Variants in HS2ST1 observed in about 807,000 individuals in gnomAD.
HS2ST1 encodes the protein heparan sulfate 2-O-sulfotransferase 1.
HS2ST1 carries 18 observed loss-of-function variants against 42.9 expected under a neutral mutation model. That is an observed-to-expected ratio of 0.42 (90% confidence interval 0.29 to 0.62). The LOEUF (loss-of-function observed/expected upper bound fraction) is 0.62. Among genes scored for constraint, HS2ST1 ranks in the 20% least tolerant of loss-of-function variants. HS2ST1 has a pLI of 0.21. For missense variants in HS2ST1, 334 were observed against 433.8 expected (o/e 0.77, Z 2.04); for synonymous variants, 146 against 152.9 (o/e 0.95, Z 0.33).
intron 3 of HS2ST1, among the ~76,000 whole-genome samples, chr1:87,088,898 T>C (rs1409732214): frequency 3.9e-5 from 6 of 152,006 alleles, no homozygotes; most frequent in African/African-American, 1.4e-4. Context: ...ACCTTGCCAC[T>C]AGGATTAGAA....
intron 1 of HS2ST1, among the ~76,000 whole-genome samples, chr1:86,975,883 T>C (rs1300327244): frequency 6.6e-6 from 1 of 152,214 alleles, no homozygotes; most frequent in East Asian, 1.9e-4. Context: ...TCACGACCTT[T>C]CTACTGGCTA....
At chr1:87,071,714 C>T (rs1280611964) in intron 1 of HS2ST1, among the ~76,000 whole-genome samples, 3 of 142,542 alleles carry the variant, frequency 2.1e-5, no homozygotes, top group Middle Eastern at 3.4e-3. Flanking sequence ...GGTGACAAAG[C>T]GAGACTCTGT....
intron 1 of HS2ST1, among the ~76,000 whole-genome samples, chr1:86,944,621 T>C (rs1647274323): frequency 6.6e-6 from 1 of 152,200 alleles, no homozygotes; most frequent in South Asian, 2.1e-4. Flanking sequence ...CCCATAGTGC[T>C]GGGATTACAG....
At chr1:86,928,434 A>G (rs1296303872) in intron 1 of HS2ST1, among the ~76,000 whole-genome samples, 2 of 151,930 alleles carry the variant, frequency 1.3e-5, no homozygotes, top group Non-Finnish European at 2.9e-5. Context: ...CTATATTTAG[A>G]TTTGATCTGT....
intron 1 of HS2ST1, among the ~76,000 whole-genome samples, chr1:87,013,054 A>C (rs558779849): frequency 7.9e-5 from 12 of 152,328 alleles, no homozygotes; most frequent in African/African-American, 2.9e-4. Context: ...GAGCATCTGC[A>C]GCTTTTCCAG....
chr1:87,080,285 G>GT (rs1226919696), intron 2 of HS2ST1, among the ~76,000 whole-genome samples: 14 of 152,290 alleles, frequency 9.2e-5, no homozygotes, highest in Non-Finnish European at 1.3e-4. Context: ...GGTAAAGAGA[G>GT]TAGTGATCAG....
At chr1:87,090,885 T>G (rs1651924142) in intron 3 of HS2ST1, among the ~76,000 whole-genome samples, 1 of 151,952 alleles carries the variant, frequency 6.6e-6, no homozygotes, top group Admixed American at 6.6e-5. Context: ...AAATCCCATC[T>G]TTCCAGAACA....
At chr1:87,022,415 T>C (rs901758449) in intron 1 of HS2ST1, among the ~76,000 whole-genome samples, 1 of 152,046 alleles carries the variant, frequency 6.6e-6, no homozygotes, top group South Asian at 2.1e-4. Flanking sequence ...AATTGCACCA[T>C]AAAAAACACA....
chr1:86,989,820 G>A (rs868421167), intron 1 of HS2ST1, among the ~76,000 whole-genome samples: 38 of 152,246 alleles, frequency 2.5e-4, no homozygotes, highest in African/African-American at 8.7e-4. Flanking sequence ...AACATGTGAT[G>A]TTTGGTTTTC....
At chr1:87,003,489 G>T (rs1442629127) in intron 1 of HS2ST1, among the ~76,000 whole-genome samples, 1 of 152,160 alleles carries the variant, frequency 6.6e-6, no homozygotes, top group Non-Finnish European at 1.5e-5. Context: ...TTAATCAGAT[G>T]CACTTAGAGT....
Position 87,097,906 on chromosome 1 carries a change from G to T in HS2ST1, c.657G>T (p.Pro219=). ...CAPEKLWLQI[P]FFCGHSSECW... ...CAGAGAAGCTCTGGCTTCAAATCCC[G>T]TTCTTCTGTGGCCATAGCTCCGAAT... The change falls in exon 5 of 7, where the codon CCG becomes CCT. Residue 219 remains proline, a synonymous_variant. Coordinates refer to ENST00000370550, the MANE Select transcript of HS2ST1 (RefSeq NM_012262.4). The T allele has an allele frequency of 3.1e-6, 5 of 1,614,020 alleles. No individual in the cohort carries two copies. The African/African-American group carries it at 5.3e-5, about 17-fold the overall frequency.
In HS2ST1 at chr1:87,109,432, T is replaced by C. The variant is rs1036946358; in HGVS notation, c.*4736T>C. On this transcript the variant is annotated 3_prime_UTR_variant, in exon 7 of 7. Coordinates refer to ENST00000370550, the MANE Select transcript of HS2ST1 (RefSeq NM_012262.4). Reference sequence around the variant, plus strand: ...TTTCAGATGGAAAACTTACAAAATATATACTTAATTAGAAGAAAAAAATAG... The same window carrying C: ...TTTCAGATGGAAAACTTACAAAATACATACTTAATTAGAAGAAAAAAATAG... 6.6e-6 allele frequency: 1 copy of C among 152,076 alleles called. No homozygotes were observed. The highest frequency in any genetic ancestry group is 1.5e-5 in the Non-Finnish European group (1 of 67,982). 9.4% of individuals were successfully genotyped at this position (152,076 alleles called of 1,614,324 possible).
At chr1:87,078,088 G>T (rs953377676) in intron 2 of HS2ST1, among the ~76,000 whole-genome samples, 3 of 152,216 alleles carry the variant, frequency 2.0e-5, no homozygotes, top group Non-Finnish European at 2.9e-5. Flanking sequence ...GTGGGAGTTT[G>T]GTAGATAGTA....
intron 1 of HS2ST1, among the ~76,000 whole-genome samples, chr1:86,981,393 A>G (rs747062433): frequency 4.6e-5 from 7 of 152,198 alleles, no homozygotes; most frequent in Non-Finnish European, 1.0e-4. Flanking sequence ...AACTCATTCT[A>G]ACATTAACCC....
chr1:87,045,737 CTTCATA>C (rs1650637937), intron 1 of HS2ST1: 1 of 905,160 alleles, frequency 1.1e-6, no homozygotes, highest in African/African-American at 1.6e-5. Context: ...CAAATCTACT[CTTCATA>C]TTCATACTGA....
chr1:86,924,772 T>A (rs1399042273), intron 1 of HS2ST1, among the ~76,000 whole-genome samples: 1 of 152,038 alleles, frequency 6.6e-6, no homozygotes, highest in East Asian at 1.9e-4. Context: ...ACGAAACCAT[T>A]TTTTCCTTCT....
At chr1:87,068,979 C>T (rs1331804838) in intron 1 of HS2ST1, among the ~76,000 whole-genome samples, 1 of 152,126 alleles carries the variant, frequency 6.6e-6, no homozygotes, top group Non-Finnish European at 1.5e-5. Flanking sequence ...ACTACAGGTG[C>T]ACGCCACCAG....
At chr1:87,010,205 A>G (rs1649560442) in intron 1 of HS2ST1, among the ~76,000 whole-genome samples, 1 of 152,216 alleles carries the variant, frequency 6.6e-6, no homozygotes, top group African/African-American at 2.4e-5. Context: ...TTAGGACTGT[A>G]ATACTGTTTG....
intron 1 of HS2ST1, among the ~76,000 whole-genome samples, chr1:87,044,278 G>C (rs61773075): frequency 0.031 from 4,653 of 152,092 alleles, 109 homozygotes; most frequent in Non-Finnish European, 0.05. Context: ...TTTGTAACAA[G>C]AATGCAGATG....
Sources: allele counts gnomAD v4.1 joint callset (sites outside exome capture counted in the v4.1 genomes callset), GRCh38; gene constraint gnomAD v4.1.1; transcripts MANE v1.5; gene names NCBI Gene and HGNC (gene_info 2026-07-23, HGNC 2026-07-21).